VWC2L: variants seen among roughly 807,000 people sequenced by gnomAD.
The protein encoded by VWC2L is von Willebrand factor C domain containing 2 like.
Under a neutral mutation model 21.6 loss-of-function variants are expected in VWC2L, and 10 were observed. That is an observed-to-expected ratio of 0.46 (90% CI 0.29 to 0.78). The LOEUF is 0.78. Among genes scored for constraint, VWC2L ranks in the 30% least tolerant of loss-of-function variants. The pLI is 0.10. For missense variants in VWC2L, 209 were observed against 277.1 expected (o/e 0.75, Z 1.74); for synonymous variants, 96 against 94.3 (o/e 1.02, Z -0.10).
At chr2:214,565,552 A>G (rs1013318672) in intron 3 of VWC2L, among the ~76,000 whole-genome samples, 3 of 152,236 alleles carry the variant, frequency 2.0e-5, no homozygotes, top group African/African-American at 7.2e-5. Context: ...CATAGAAAAG[A>G]TTTCACTGCT....
rs562458673 is a variant in VWC2L at position 214,558,873 on chromosome 2, A to T, written c.521-16799A>T. The stretch of plus-strand genomic sequence containing the variant: ...CCTTTAGCTAGTGTTTCTTTTTTTT[A>T]AATTTTTTTTATTATACTTTAAGTT... On this transcript the variant is annotated intron_variant, in intron 3 of 3. Coordinates refer to ENST00000312504, the MANE Select transcript of VWC2L (RefSeq NM_001080500.4). 1.6e-3 allele frequency among the ~76,000 whole-genome samples: 233 copies of T among 149,804 alleles called. 1 individual carries two copies. Among genetic ancestry groups the T allele is most frequent in the Middle Eastern group, 6.8e-3 (2 of 292 alleles).
In VWC2L at chr2:214,503,124, A is replaced by T. The variant is rs1194290034; in HGVS notation, c.520+66366A>T. On this transcript the variant is annotated intron_variant, in intron 3 of 3. Transcript: ENST00000312504. Reference sequence around the variant, plus strand: ...ACCCAAGAACCTGCAAATTATCTTCATGCAAAGCTGCATCCCCTGAACTCC... The same window carrying T: ...ACCCAAGAACCTGCAAATTATCTTCTTGCAAAGCTGCATCCCCTGAACTCC... Among the ~76,000 whole-genome samples the T allele has an allele frequency of 2.6e-5, 4 of 152,190 alleles. No individual in the cohort carries two copies. The East Asian group carries it at 7.7e-4, about 29-fold the overall frequency.
chr2:214,450,034 T>C (rs1312715704), intron 3 of VWC2L, among the ~76,000 whole-genome samples: 1 of 152,196 alleles, frequency 6.6e-6, no homozygotes, highest in Non-Finnish European at 1.5e-5. Context: ...CAACTTTCTG[T>C]GTTAGGGTTT....
At position 214,546,241 on chromosome 2, in the gene VWC2L, G is replaced by A. The variant is rs59281281; in HGVS notation, c.521-29431G>A. Among the ~76,000 whole-genome samples, 295 of 152,292 alleles carry A rather than the reference G, an allele frequency of 1.9e-3. 1 individual carries two copies. Among genetic ancestry groups the A allele is most frequent in the African/African-American group, 6.0e-3 (250 of 41,564 alleles). On this transcript the variant is annotated intron_variant, in intron 3 of 3. Transcript: ENST00000312504. ...TGGTCAGGCCCATTTACTAAGCAGT[G>A]TGAAGGAATTGCTGCAGCTTTTGGC...
chr2:214,469,317 G>C lies in VWC2L; in HGVS notation c.520+32559G>C, dbSNP rs576639077. On this transcript the variant is annotated intron_variant, in intron 3 of 3. Coordinates refer to ENST00000312504, the MANE Select transcript of VWC2L (RefSeq NM_001080500.4). ...CACTAAAAGCTCCTTAAAATATCAT[G>C]GGCCAGGCACAGTGGCTCACGCCTG... Among the ~76,000 whole-genome samples, 416 of 152,160 alleles carry C rather than the reference G, an allele frequency of 2.7e-3. 1 individual carries two copies. The highest frequency in any genetic ancestry group is 4.6e-3 in the Non-Finnish European group (310 of 67,988).
intron 3 of VWC2L, among the ~76,000 whole-genome samples, chr2:214,558,813 G>T (rs922761568): frequency 2.7e-4 from 39 of 144,086 alleles, no homozygotes; most frequent in Middle Eastern, 3.7e-3. Context: ...CTATAGTTTT[G>T]TTTTTTTTTT....
At chr2:214,516,885 AAAT>A (rs2105908941) in intron 3 of VWC2L, among the ~76,000 whole-genome samples, 1 of 152,206 alleles carries the variant, frequency 6.6e-6, no homozygotes, top group East Asian at 1.9e-4. Flanking sequence ...TGAAAAAGAA[AAAT>A]AATATCTTCC....
chr2:214,468,905 G>A lies in VWC2L; in HGVS notation c.520+32147G>A, dbSNP rs920530575. On this transcript the variant is annotated intron_variant, in intron 3 of 3. Coordinates refer to ENST00000312504, the MANE Select transcript of VWC2L (RefSeq NM_001080500.4). ...ATACACAAACTTTGTAAAAATTAACGTTACCAATTTAATCTTCATTAAAGA... is the reference window on the plus strand; with the variant it reads ...ATACACAAACTTTGTAAAAATTAACATTACCAATTTAATCTTCATTAAAGA... 3.3e-5 allele frequency among the ~76,000 whole-genome samples: 5 copies of A among 152,126 alleles called. No homozygotes were observed. In the South Asian group the frequency reaches 6.2e-4, roughly 19 times the overall value.
At chr2:214,488,713 A>C (rs1409724546) in intron 3 of VWC2L, among the ~76,000 whole-genome samples, 1 of 152,212 alleles carries the variant, frequency 6.6e-6, no homozygotes, top group East Asian at 1.9e-4. Context: ...TAATTGACTC[A>C]TGATTCTGCT....
Position 214,495,647 on chromosome 2 carries a change from A to G in VWC2L, c.520+58889A>G, listed in dbSNP as rs532702429. ...AAATGAGAACCAGTATATTTCTACC[A>G]AAATATTCCCACCATCTACCAAACA... On this transcript the variant is annotated intron_variant, in intron 3 of 3. Coordinates refer to ENST00000312504, the MANE Select transcript of VWC2L (RefSeq NM_001080500.4). Among the ~76,000 whole-genome samples, 4 of 152,220 alleles carry G rather than the reference A, an allele frequency of 2.6e-5. No homozygotes were observed. The East Asian group carries it at 7.7e-4, about 29-fold the overall frequency.
At chr2:214,547,139 T>C (rs926547670) in intron 3 of VWC2L, among the ~76,000 whole-genome samples, 16 of 152,062 alleles carry the variant, frequency 1.1e-4, no homozygotes, top group African/African-American at 3.9e-4. Flanking sequence ...TGAATGCTAA[T>C]ATATATGCAG....
At chr2:214,516,685 G>A (rs1356117400) in intron 3 of VWC2L, among the ~76,000 whole-genome samples, 1 of 150,922 alleles carries the variant, frequency 6.6e-6, no homozygotes, top group Admixed American at 6.6e-5. Context: ...AGCTGGGGAA[G>A]AAATGTATAT....
chr2:214,425,730 T>G (rs1425141626), intron 2 of VWC2L, among the ~76,000 whole-genome samples: 2 of 152,178 alleles, frequency 1.3e-5, no homozygotes, highest in Non-Finnish European at 2.9e-5. Context: ...ATCCCTTTCA[T>G]ATAGAGAAGC....
intron 2 of VWC2L, among the ~76,000 whole-genome samples, chr2:214,435,907 G>T (rs1183819110): frequency 1.3e-5 from 2 of 152,044 alleles, no homozygotes; most frequent in Non-Finnish European, 2.9e-5. Flanking sequence ...AAAGACAAAT[G>T]TTCTTTTCTG....
intron 3 of VWC2L, among the ~76,000 whole-genome samples, chr2:214,524,556 C>T (rs1458847769): frequency 3.9e-5 from 6 of 152,182 alleles, no homozygotes; most frequent in Admixed American, 3.9e-4. Flanking sequence ...CTAACCTATT[C>T]TGCATTCGTT....
At chr2:214,565,251 G>A (rs1690044803) in intron 3 of VWC2L, among the ~76,000 whole-genome samples, 1 of 152,074 alleles carries the variant, frequency 6.6e-6, no homozygotes, top group African/African-American at 2.4e-5. Flanking sequence ...TACATAAATA[G>A]ATTGAAAGAT....
At chr2:214,507,030 G>C (rs956709227) in intron 3 of VWC2L, among the ~76,000 whole-genome samples, 1 of 151,818 alleles carries the variant, frequency 6.6e-6, no homozygotes, top group Non-Finnish European at 1.5e-5. Context: ...ACAAAATATA[G>C]AATTGATTTT....
rs1191463933 is a variant in VWC2L at position 214,479,981 on chromosome 2, T to A, written c.520+43223T>A. Among the ~76,000 whole-genome samples the A allele has an allele frequency of 2.0e-5, 3 of 152,294 alleles. No homozygotes were observed. The East Asian group carries it at 5.8e-4, about 29-fold the overall frequency. ...GTGTCATTAATGAACATGTACAGAC[T>A]TTTTTCTTGTAATTACTTTCTAAAT... On this transcript the variant is annotated intron_variant, in intron 3 of 3. Transcript: ENST00000312504.
At chr2:214,544,955 T>G (rs1689682827) in intron 3 of VWC2L, among the ~76,000 whole-genome samples, 2 of 152,128 alleles carry the variant, frequency 1.3e-5, no homozygotes, top group Non-Finnish European at 2.9e-5. Context: ...AAATTTACTC[T>G]GCTATGTTGT....
Sources: allele counts gnomAD v4.1 joint callset (sites outside exome capture counted in the v4.1 genomes callset), GRCh38; gene constraint gnomAD v4.1.1; transcripts MANE v1.5; gene names NCBI Gene and HGNC (gene_info 2026-07-23, HGNC 2026-07-21).